Variants in TMLHE observed in about 807,000 individuals in gnomAD.
TMLHE encodes the protein trimethyllysine hydroxylase, epsilon.
A neutral mutation model predicts 25.7 loss-of-function variants in TMLHE; 18 were observed. The ratio of observed to expected loss-of-function variants is 0.70; its 90% CI spans 0.48 to 1.04. TMLHE has a LOEUF of 1.04. TMLHE is among the 50% of genes least tolerant of loss of function. The probability of loss-of-function intolerance (pLI) is 0.00; values close to 1 mark genes in which losing one functional copy is unlikely to be tolerated. For missense variants in TMLHE, 236 were observed against 259.0 expected (o/e 0.91, Z 0.61); for synonymous variants, 105 against 97.0 (o/e 1.08, Z -0.49).
chrX:155,573,033 G>A (rs2067565485), intron 1 of TMLHE, among the ~76,000 whole-genome samples: 1 of 57,575 alleles, frequency 1.7e-5, no homozygotes, highest in African/African-American at 4.1e-5. Context: ...ACTACCATCA[G>A]AGTGAACAGA....
intron 3 of TMLHE, among the ~76,000 whole-genome samples, chrX:155,518,961 CA>C (rs1322616594): frequency 2.3e-5 from 1 of 43,371 alleles, no homozygotes; most frequent in Admixed American, 2.7e-4. Flanking sequence ...TTGATCTTTT[CA>C]AAAAACCAGC....
At chrX:155,612,054 C>G (rs1047963173) in intron 1 of TMLHE, 2 of 112,167 alleles carry the variant, frequency 1.8e-5, no homozygotes, top group Non-Finnish European at 3.8e-5. Context: ...ACTATGTCCA[C>G]TCAACACACA....
chrX:155,555,454 C>G (rs781943203), intron 1 of TMLHE, among the ~76,000 whole-genome samples: 1 of 110,585 alleles, frequency 9.0e-6, no homozygotes, highest in Non-Finnish European at 1.9e-5. Context: ...AATCACCACA[C>G]TGTCTTCCAC....
At chrX:155,606,561 A>G (rs1227419160) in intron 1 of TMLHE, among the ~76,000 whole-genome samples, 1 of 111,090 alleles carries the variant, frequency 9.0e-6, no homozygotes, top group African/African-American at 3.3e-5. Context: ...CTTGGAAACT[A>G]ATGACAACAA....
intron 1 of TMLHE, among the ~76,000 whole-genome samples, chrX:155,577,493 T>C (rs1261636797): frequency 9.2e-6 from 1 of 108,439 alleles, no homozygotes; most frequent in Non-Finnish European, 1.9e-5. Flanking sequence ...GGCATGAGAG[T>C]TGCTTAAACC....
chrX:155,588,654 G>A (rs1444910921), intron 1 of TMLHE, among the ~76,000 whole-genome samples: 2 of 110,332 alleles, frequency 1.8e-5, no homozygotes, highest in African/African-American at 3.3e-5. Flanking sequence ...AAAAAATCCC[G>A]TTAAAAAGTG....
chrX:155,511,646 T>C, intron 5 of TMLHE, 27 bp downstream of exon 5: 1 of 1,176,475 alleles, frequency 8.5e-7, no homozygotes, highest in Non-Finnish European at 1.1e-6. Flanking sequence ...ATAAAGACTT[T>C]ACACTGTAAA....
At chrX:155,509,786 A>T (rs1258877193) in intron 5 of TMLHE, among the ~76,000 whole-genome samples, 2 of 111,532 alleles carry the variant, frequency 1.8e-5, no homozygotes, top group Non-Finnish European at 3.8e-5. Context: ...AGTCTCCATA[A>T]ATCTATGTGC....
intron 1 of TMLHE, among the ~76,000 whole-genome samples, chrX:155,548,510 C>CAGTAGA (rs1569562080): frequency 9.1e-6 from 1 of 109,541 alleles, no homozygotes; most frequent in Non-Finnish European, 1.9e-5. Context: ...TCAAGGCGGG[C>CAGTAGA]GGATCACAAG....
At chrX:155,606,950 C>T (rs904577275) in intron 1 of TMLHE, among the ~76,000 whole-genome samples, 10 of 111,019 alleles carry the variant, frequency 9.0e-5, no homozygotes, top group African/African-American at 2.0e-4. Flanking sequence ...AGACCAATAA[C>T]GAGTTCCAAA....
intron 2 of TMLHE, among the ~76,000 whole-genome samples, chrX:155,532,677 G>A (rs2067256074): frequency 9.6e-6 from 1 of 103,707 alleles, no homozygotes; most frequent in Non-Finnish European, 2.0e-5. Flanking sequence ...TCGTGTGTGT[G>A]TGTGTGTGTG....
At position 155,545,196 on chromosome X, in the gene TMLHE, T is replaced by G; in HGVS notation, c.81A>C (p.Pro27=). 1 of 1,210,379 alleles carries G rather than the reference T, an allele frequency of 8.3e-7. No individual in the cohort carries two copies. Among genetic ancestry groups the G allele is most frequent in the Non-Finnish European group, 1.1e-6 (1 of 894,598 alleles). The change falls in exon 2 of 8, where the codon CCA becomes CCC. Residue 27 remains proline, a synonymous_variant. Coordinates refer to ENST00000334398, the MANE Select transcript of TMLHE (RefSeq NM_018196.4). ...LKGGVIYPAL[P]QPNFKSLLPL... Reference sequence around the variant, plus strand: ...GAAGTAAGCTTTTGAAGTTGGGCTGTGGAAGGGCCGGATATATGACTCCTC... The same window carrying G: ...GAAGTAAGCTTTTGAAGTTGGGCTGGGGAAGGGCCGGATATATGACTCCTC...
Position 155,506,902 on chromosome X carries a change from T to A in TMLHE, c.991A>T (p.Ile331Phe), listed in dbSNP as rs372374500. The A allele has an allele frequency of 2.5e-6, 3 of 1,203,697 alleles. No individual in the cohort carries two copies. In the African/African-American group the frequency reaches 5.3e-5, roughly 21 times the overall value. The change falls in exon 6 of 8, where the codon ATC becomes TTC. Residue 331 changes from isoleucine to phenylalanine, a missense_variant. By Grantham distance (21) the Ile-to-Phe change is conservative. Transcript: ENST00000334398. Reference sequence around the variant, plus strand: ...GGATAGTTCTTTGATACTCACCTGATCAAATACAGCTCTTTATTCCATGGG... The same window carrying A: ...GGATAGTTCTTTGATACTCACCTGAACAAATACAGCTCTTTATTCCATGGG... The part of the protein sequence containing the change: ...IYPWNKELYL[I>F]RYNNYDRAVI...
chrX:155,538,210 T>G (rs2067291063), intron 2 of TMLHE, among the ~76,000 whole-genome samples: 1 of 111,435 alleles, frequency 9.0e-6, no homozygotes, highest in East Asian at 2.8e-4. Flanking sequence ...CACGTATGAG[T>G]GAGATAATGC....
intron 2 of TMLHE, among the ~76,000 whole-genome samples, chrX:155,536,118 C>T (rs1557337601): frequency 1.8e-5 from 2 of 111,658 alleles, no homozygotes; most frequent in Non-Finnish European, 3.8e-5. Flanking sequence ...TTTGTTCTTA[C>T]AGCACCCTAT....
rs2124450381 is a variant in TMLHE at position 155,565,904 on chromosome X, C to T, written c.-1-20627G>A. Among the ~76,000 whole-genome samples the T allele has an allele frequency of 3.2e-5, 2 of 61,871 alleles. 1 individual carries two copies. Among genetic ancestry groups the T allele is most frequent in the South Asian group, 1.9e-3 (2 of 1,052 alleles). 53.7% of individuals were successfully genotyped at this position (61,871 alleles called of 115,157 possible). Reference sequence around the variant, plus strand: ...GCACCCCATCACCCCGTGGGGGTCTCCTGCATTGCTCTGTTGGAGAAGTCC... The same window carrying T: ...GCACCCCATCACCCCGTGGGGGTCTTCTGCATTGCTCTGTTGGAGAAGTCC... On this transcript the variant is annotated intron_variant, in intron 1 of 7. Transcript: ENST00000334398.
intron 1 of TMLHE, among the ~76,000 whole-genome samples, chrX:155,580,985 G>C (rs1569562223): frequency 9.0e-6 from 1 of 111,573 alleles, no homozygotes; most frequent in Non-Finnish European, 1.9e-5. Flanking sequence ...ATGATCAAGT[G>C]GGCTTCATCC....
chrX:155,511,369 G>C (rs1490011643), intron 5 of TMLHE, among the ~76,000 whole-genome samples: 2 of 110,033 alleles, frequency 1.8e-5, no homozygotes, highest in African/African-American at 6.6e-5. Context: ...CTCCCCAGAA[G>C]AAGATGCTGC....
In TMLHE at chrX:155,543,665, G is replaced by GA. The variant is rs782120990; in HGVS notation, c.181+1430dup. ...TTCAATTACATTTTTCACAGAAATA[G>GA]AAAAAATCCTAAAATTCTGACTGAT... On this transcript the variant is annotated intron_variant, in intron 2 of 7. Transcript: ENST00000334398. Among the ~76,000 whole-genome samples, 41 of 112,185 alleles carry GA rather than the reference G, an allele frequency of 3.7e-4. No homozygotes were observed. In the East Asian group the frequency reaches 0.011, roughly 30 times the overall value.
Sources: allele counts gnomAD v4.1 joint callset (sites outside exome capture counted in the v4.1 genomes callset), GRCh38; gene constraint gnomAD v4.1.1; transcripts MANE v1.5; gene names NCBI Gene and HGNC (gene_info 2026-07-23, HGNC 2026-07-21).